PALB2: variants seen among roughly 807,000 people sequenced by gnomAD.
PALB2 encodes the protein mutant partner and localizer of BRCA2.
A neutral mutation model predicts 107.4 loss-of-function variants in PALB2; 82 were observed. The observed-to-expected ratio is 0.76, with a 90% CI of 0.64 to 0.92. The LOEUF (loss-of-function observed/expected upper bound fraction) is 0.92. PALB2 is among the 40% of genes least tolerant of loss of function. PALB2 has a pLI of 0.00. For synonymous variants in PALB2, 489 were observed against 496.8 expected (o/e 0.98, Z 0.21); for missense variants, 1,374 against 1,379.9 (o/e 1.00, Z 0.07).
chr16:23,616,709 C>CA (rs1450424588), intron 10 of PALB2, among the ~76,000 whole-genome samples: 4 of 152,178 alleles, frequency 2.6e-5, no homozygotes, highest in Admixed American at 2.6e-4. Context: ...TGAAATGTCT[C>CA]AGTGAATATG....
intron 8 of PALB2, 190 bp downstream of exon 8, chr16:23,623,819 T>A (rs1966819625): frequency 1.7e-6 from 1 of 593,550 alleles, no homozygotes; most frequent in East Asian, 2.9e-5. Flanking sequence ...GCGCCCAGCC[T>A]AGGTTCACAT....
chr16:23,624,209 A>C, intron 7 of PALB2, 115 bp from the exon 8 acceptor site: 2 of 741,722 alleles, frequency 2.7e-6, no homozygotes, highest in Admixed American at 4.3e-5. Flanking sequence ...GATAATTTTC[A>C]TCATTTGAAG....
At chr16:23,610,312 T>C (rs1396086329) in intron 11 of PALB2, among the ~76,000 whole-genome samples, 2 of 148,590 alleles carry the variant, frequency 1.3e-5, no homozygotes, top group African/African-American at 5.0e-5. Context: ...GTTATTTCTT[T>C]TTTTTTTTTT....
rs1966399348 is a variant in PALB2, at chr16:23,603,559, A to G, written c.3461T>C (p.Val1154Ala). The change falls in exon 13 of 13, where the codon GTC becomes GCC. Residue 1154 changes from valine to alanine, a missense_variant. Physicochemically the swap from Val to Ala is moderately conservative, Grantham distance 64 (BLOSUM62 0). Transcript: ENST00000261584. ...LGQCTALLPP[V>A]SDQHWSFVKW... ...CACAAAAGACCAATGTTGGTCAGAG[A>G]CAGGTGGGAGGAGGGCAGTACACTG... 6.2e-7 allele frequency: 1 copy of G among 1,614,162 alleles called. No homozygotes were observed. The highest frequency in any genetic ancestry group is 8.5e-7 in the Non-Finnish European group (1 of 1,180,026).
In PALB2 at chr16:23,635,333, G is replaced by C. The variant is rs545119348; in HGVS notation, c.1213C>G (p.Pro405Ala). ...GTTGTTCTAACATAATATTCTGCAG[G>C]AAACAGAAGGCCTTCAGGCACTGTG... ...SCTVPEGLLF[P>A]AEYYVRTTRS... The change falls in exon 4 of 13, where the codon CCT becomes GCT. Residue 405 changes from proline (P) to alanine (A), a missense_variant. Pro to Ala is a conservative substitution (Grantham distance 27). Transcript: ENST00000261584. 12 of 1,614,024 alleles carry C rather than the reference G, an allele frequency of 7.4e-6. No individual in the cohort carries two copies. In the East Asian group the frequency reaches 2.7e-4, roughly 36 times the overall value.
chr16:23,641,014 T>C, intron 1 of PALB2, 96 bp downstream of exon 1: 1 of 1,412,950 alleles, frequency 7.1e-7, no homozygotes, highest in Non-Finnish European at 9.8e-7. Flanking sequence ...CAGATGATAC[T>C]GCTGCCCTCG....
At chr16:23,608,546 T>C (rs529900955) in intron 11 of PALB2, among the ~76,000 whole-genome samples, 1 of 152,112 alleles carries the variant, frequency 6.6e-6, no homozygotes, top group Non-Finnish European at 1.5e-5. Flanking sequence ...TTAGAAATAT[T>C]CATTTGTAAA....
chr16:23,633,067 CG>C (rs1182012596), intron 4 of PALB2, among the ~76,000 whole-genome samples: 1 of 151,790 alleles, frequency 6.6e-6, no homozygotes, highest in South Asian at 2.1e-4. Flanking sequence ...GCACCCTATC[CG>C]GGGCGACAAG....
At chr16:23,633,756 T>G (rs1372113349) in intron 4 of PALB2, among the ~76,000 whole-genome samples, 2 of 151,974 alleles carry the variant, frequency 1.3e-5, no homozygotes, top group Non-Finnish European at 2.9e-5. Context: ...CAGACTGGAG[T>G]GCAGTGGTGC....
intron 4 of PALB2, among the ~76,000 whole-genome samples, chr16:23,633,975 CTGGGA>C (rs1410674003): frequency 5.9e-5 from 9 of 152,168 alleles, no homozygotes; most frequent in Non-Finnish European, 1.0e-4. Flanking sequence ...TCCCGAAGTG[CTGGGA>C]TTACAGGGGT....
intron 6 of PALB2, among the ~76,000 whole-genome samples, chr16:23,628,302 TC>T (rs1261123336): frequency 1.3e-5 from 2 of 152,198 alleles, no homozygotes; most frequent in African/African-American, 4.8e-5. Flanking sequence ...TTACTATGCA[TC>T]CTTTATAGAA....
chr16:23,611,054 T>A (rs1468167675), intron 11 of PALB2, among the ~76,000 whole-genome samples: 2 of 151,346 alleles, frequency 1.3e-5, no homozygotes, highest in Non-Finnish European at 2.9e-5. Context: ...AAAAAGTAAA[T>A]TCTAGAGATG....
At chr16:23,637,238 ACT>A (rs1967085319) in intron 3 of PALB2, among the ~76,000 whole-genome samples, 1 of 152,080 alleles carries the variant, frequency 6.6e-6, no homozygotes, top group South Asian at 2.1e-4. Context: ...ACAGAGTGAG[ACT>A]CTGTCTCAAA....
At chr16:23,608,801 T>TATATACACACACACACACAC (rs560756242) in intron 11 of PALB2, among the ~76,000 whole-genome samples, 33 of 143,806 alleles carry the variant, frequency 2.3e-4, no homozygotes, top group Admixed American at 4.2e-4. Flanking sequence ...TGTATATATA[T>TATATACACACACACACACAC]ACACACACAC....
rs1244295626 is a variant in PALB2 at position 23,614,650 on chromosome 16, T to TC, written c.3114-560_3114-559insG. On this transcript the variant is annotated intron_variant, in intron 10 of 12. Transcript: ENST00000261584. ...TTGTTGGAATCACTTCCCAGCTTTT[T>TC]TTTTTTTTTTTTTTTTTTGAGACGG... Among the ~76,000 whole-genome samples, 12 of 142,150 alleles carry TC rather than the reference T, an allele frequency of 8.4e-5. No individual in the cohort carries two copies. The East Asian group carries it at 2.2e-3, about 26-fold the overall frequency. The allele number at this position is 142,150 out of a possible 152,430, so 93.3% of individuals were successfully genotyped here.
chr16:23,634,833 T>TCA, intron 4 of PALB2, 29 bp downstream of exon 4: 1 of 1,598,770 alleles, frequency 6.3e-7, no homozygotes, highest in Non-Finnish European at 8.5e-7. Context: ...ATCATCATCA[T>TCA]CATCATCATC....
intron 8 of PALB2, 69 bp from the exon 9 acceptor site, chr16:23,623,199 ACTTT>A: frequency 4.5e-6 from 5 of 1,109,604 alleles, no homozygotes; most frequent in Non-Finnish European, 5.0e-6. Flanking sequence ...GACTAGGTTC[ACTTT>A]TTTTTTTTTT....
intron 9 of PALB2, 39 bp from the exon 10 acceptor site, chr16:23,621,517 T>G (rs535137106): frequency 7.8e-7 from 1 of 1,284,212 alleles, no homozygotes; most frequent in South Asian, 1.2e-5. Context: ...TACTTTGCAC[T>G]AAAGCAGTCT....
At chr16:23,631,627 A>T (rs1966878686) in intron 4 of PALB2, among the ~76,000 whole-genome samples, 1 of 152,232 alleles carries the variant, frequency 6.6e-6, no homozygotes, top group South Asian at 2.1e-4. Flanking sequence ...TCTCAACTCA[A>T]CCACTGATTT....
Sources: allele counts gnomAD v4.1 joint callset (sites outside exome capture counted in the v4.1 genomes callset), GRCh38; gene constraint gnomAD v4.1.1; transcripts MANE v1.5; gene names NCBI Gene and HGNC (gene_info 2026-07-23, HGNC 2026-07-21).